NBAS: variants seen among roughly 807,000 people sequenced by gnomAD.
NBAS encodes NBAS subunit of NRZ tethering complex.
A neutral mutation model predicts 302.5 loss-of-function variants in NBAS; 219 were observed. The ratio of observed to expected loss-of-function variants is 0.72; its 90% CI spans 0.65 to 0.81. The LOEUF (loss-of-function observed/expected upper bound fraction) is 0.81, where lower values mean the gene tolerates loss of function less well. Among genes scored for constraint, NBAS ranks in the 30% least tolerant of loss-of-function variants. The pLI, the probability that NBAS is intolerant of heterozygous loss-of-function variation, is 0.00. For missense variants in NBAS, 2,932 were observed against 2,841.6 expected, an observed-to-expected ratio of 1.03 and a Z score of -0.72; for synonymous variants, 1,118 against 1,021.6, an observed-to-expected ratio of 1.09 and a Z score of -1.80.
chr2:15,296,093 T>C (rs1456591481), intron 40 of NBAS, among the ~76,000 whole-genome samples: 2 of 152,138 alleles, frequency 1.3e-5, no homozygotes, highest in African/African-American at 4.8e-5. Context: ...ACTTACACAA[T>C]CATAAGCCAA....
chr2:15,392,308 A>G (rs931360100), intron 28 of NBAS, among the ~76,000 whole-genome samples: 3 of 151,776 alleles, frequency 2.0e-5, no homozygotes, highest in African/African-American at 7.2e-5. Flanking sequence ...TTGTAGAGGT[A>G]AAGAAACACT....
At chr2:14,927,024 A>G in the NBAS span, among the ~76,000 whole-genome samples, 1 of 152,210 alleles carries the variant, frequency 6.6e-6, no homozygotes, top group Non-Finnish European at 1.5e-5. Flanking sequence ...GCCTCATCCA[A>G]TCAGTTGAAG....
chr2:14,924,584 G>C, the NBAS span, among the ~76,000 whole-genome samples: 27 of 152,324 alleles, frequency 1.8e-4, no homozygotes, highest in African/African-American at 6.5e-4. Flanking sequence ...TGTCCTCTCA[G>C]TTTCCTTGTG....
At chr2:15,012,313 C>T in the NBAS span, among the ~76,000 whole-genome samples, 10 of 151,622 alleles carry the variant, frequency 6.6e-5, no homozygotes, top group African/African-American at 2.2e-4. Flanking sequence ...CTATACCAAG[C>T]AAAAGAAAAG....
the NBAS span, among the ~76,000 whole-genome samples, chr2:15,102,268 C>T: frequency 6.6e-6 from 1 of 152,066 alleles, no homozygotes; most frequent in Non-Finnish European, 1.5e-5. Context: ...GTTTGGAGGA[C>T]AAGTAGTGAG....
At chr2:15,179,142 G>C (rs754716186) in intron 50 of NBAS, 26 bp from the exon 51 acceptor site, 2 of 1,613,598 alleles carry the variant, frequency 1.2e-6, no homozygotes, top group African/African-American at 2.7e-5. Context: ...AGGGGTGAGC[G>C]AGAACTCCAC....
the NBAS span, among the ~76,000 whole-genome samples, chr2:14,939,188 T>C: frequency 0.024 from 3,667 of 152,366 alleles, 50 homozygotes; most frequent in Middle Eastern, 0.092. Flanking sequence ...GGCTTGGCCA[T>C]AACATAGAGG....
intron 21 of NBAS, among the ~76,000 whole-genome samples, chr2:15,450,254 A>C (rs1220650460): frequency 6.6e-6 from 1 of 152,220 alleles, no homozygotes; most frequent in Non-Finnish European, 1.5e-5. Flanking sequence ...CTAACAAATT[A>C]ATTGGGAATA....
chr2:15,356,274 G>A (rs1673614115), intron 33 of NBAS, 29 bp downstream of exon 33: 2 of 1,547,174 alleles, frequency 1.3e-6, no homozygotes, highest in South Asian at 2.2e-5. Flanking sequence ...GAGGACATAA[G>A]CAAAGTGTTA....
intron 51 of NBAS, among the ~76,000 whole-genome samples, chr2:15,176,930 A>G (rs914842004): frequency 1.3e-5 from 2 of 152,044 alleles, no homozygotes; most frequent in African/African-American, 2.4e-5. Context: ...AAAATGGAAA[A>G]CTCTGTAAAA....
chr2:15,248,537 A>G (rs1668210592), intron 44 of NBAS, among the ~76,000 whole-genome samples: 1 of 152,200 alleles, frequency 6.6e-6, no homozygotes, highest in East Asian at 1.9e-4. Context: ...GTATTTTGAA[A>G]AGATCAACAA....
At chr2:14,980,120 G>A in the NBAS span, among the ~76,000 whole-genome samples, 4 of 152,170 alleles carry the variant, frequency 2.6e-5, no homozygotes, top group Non-Finnish European at 5.9e-5. Context: ...TGCTGCAGAA[G>A]AGAATGCTAA....
intron 44 of NBAS, among the ~76,000 whole-genome samples, chr2:15,256,805 T>C (rs768850525): frequency 3.2e-4 from 49 of 152,230 alleles, no homozygotes; most frequent in Non-Finnish European, 5.7e-4. Flanking sequence ...CCTGCACGTA[T>C]TGAGGTGACC....
At chr2:14,782,913 A>G in the NBAS span, among the ~76,000 whole-genome samples, 7 of 152,180 alleles carry the variant, frequency 4.6e-5, no homozygotes, top group Non-Finnish European at 1.0e-4. Context: ...TAAGGAGAAT[A>G]CATGGACACA....
intron 38 of NBAS, among the ~76,000 whole-genome samples, chr2:15,311,989 T>G (rs1389777668): frequency 6.6e-6 from 1 of 152,172 alleles, no homozygotes; most frequent in African/African-American, 2.4e-5. Flanking sequence ...CCTCCATCCC[T>G]GGGTCCCAAG....
the NBAS span, among the ~76,000 whole-genome samples, chr2:14,833,076 C>G: frequency 6.6e-6 from 1 of 152,188 alleles, no homozygotes; most frequent in Admixed American, 6.5e-5. Flanking sequence ...TGTTTTGAGG[C>G]TTCAAAGTCT....
the NBAS span, among the ~76,000 whole-genome samples, chr2:14,784,499 G>T: frequency 2.6e-5 from 4 of 152,146 alleles, no homozygotes; most frequent in Admixed American, 2.0e-4. Flanking sequence ...TTTGTATAAG[G>T]TGTAATGAAT....
At chr2:15,385,437 G>C (rs74835125) in intron 28 of NBAS, among the ~76,000 whole-genome samples, 1 of 152,180 alleles carries the variant, frequency 6.6e-6, no homozygotes, top group Middle Eastern at 3.2e-3. Flanking sequence ...CTCGCACATG[G>C]CTAGCTGTAA....
At chr2:15,162,596 T>G (rs1227852227), downstream of NBAS, among the ~76,000 whole-genome samples, 1 of 152,196 alleles carries the variant, frequency 6.6e-6, no homozygotes, top group Non-Finnish European at 1.5e-5. Context: ...CTCTCCAGTT[T>G]GCAGTGGTAG....
Sources: gnomAD v4.1 joint callset for allele counts (sites outside exome capture counted in the v4.1 genomes callset) on GRCh38, gnomAD v4.1.1 for gene constraint, MANE v1.5 for transcripts, NCBI Gene and HGNC (gene_info 2026-07-23, HGNC 2026-07-21) for gene names.